Variants in RBFOX1 observed in about 807,000 individuals in gnomAD.
RBFOX1 encodes RNA binding fox-1 homolog 1.
RBFOX1 carries 8 observed loss-of-function variants against 57.7 expected under a neutral mutation model. That is an observed-to-expected ratio of 0.14 (90% CI 0.08 to 0.25). The LOEUF is 0.25. Among genes scored for constraint, RBFOX1 ranks in the 10% least tolerant of loss-of-function variants. RBFOX1 has a pLI of 1.00. For synonymous variants in RBFOX1, 326 were observed against 222.4 expected (o/e 1.47, Z -4.15); for missense variants, 611 against 548.5 (o/e 1.11, Z -1.14).
At chr16:5,970,289 G>A (rs371727942) in intron 4 of RBFOX1, among the ~76,000 whole-genome samples, 5 of 151,610 alleles carry the variant, frequency 3.3e-5, no homozygotes, top group South Asian at 4.2e-4. Flanking sequence ...TTTTTTTTAT[G>A]TAGGGATTTT....
chr16:7,321,125 A>ATATACATATACATATACATATACT (rs1474192205), intron 4 of RBFOX1, among the ~76,000 whole-genome samples: 11 of 128,220 alleles, frequency 8.6e-5, no homozygotes, highest in South Asian at 2.6e-4. Context: ...ATACATATAC[A>ATATACATATACATATACATATACT]TATACTTATA....
intron 1 of RBFOX1, among the ~76,000 whole-genome samples, chr16:6,258,045 T>C (rs1464251860): frequency 6.6e-6 from 1 of 152,172 alleles, no homozygotes. Flanking sequence ...CCACCAACAG[T>C]GTGTAAGCAT....
At chr16:7,490,946 T>G (rs2066777620) in intron 4 of RBFOX1, among the ~76,000 whole-genome samples, 1 of 152,194 alleles carries the variant, frequency 6.6e-6, no homozygotes, top group Non-Finnish European at 1.5e-5. Context: ...TTATCTTCTT[T>G]AGGTGGCCTA....
chr16:5,342,013 A>T (rs375122063), intron 1 of RBFOX1, among the ~76,000 whole-genome samples: 91 of 152,276 alleles, frequency 6.0e-4, no homozygotes, highest in African/African-American at 2.2e-3. Flanking sequence ...CTCCTTCTGC[A>T]TGGAAAAAAG....
intron 3 of RBFOX1, among the ~76,000 whole-genome samples, chr16:6,793,352 A>G (rs1271542984): frequency 2.6e-5 from 4 of 151,982 alleles, no homozygotes; most frequent in African/African-American, 9.7e-5. Flanking sequence ...CCAAAATATG[A>G]TTTTCTTCCA....
rs1567788915 is a variant in RBFOX1 at position 6,256,271 on chromosome 16, GTATATATATATGTGTGTATATATATA to G, written c.-126-60722_-126-60697del. ...TGTATATATATGTGTATATATATAT[GTATATATATATGTGTGTATATATATA>G]TGTATATATATATATGTATATATAT... On this transcript the variant is annotated intron_variant, in intron 1 of 15. Coordinates refer to ENST00000550418, the MANE Select transcript of RBFOX1 (RefSeq NM_018723.4). 5.3e-4 allele frequency among the ~76,000 whole-genome samples: 61 copies of G among 114,054 alleles called. 1 individual carries two copies. The highest frequency in any genetic ancestry group is 2.7e-3 in the African/African-American group (60 of 22,324). 74.8% of individuals were successfully genotyped at this position (114,054 alleles called of 152,430 possible). A position where few individuals can be genotyped will look rare whatever the true frequency, so the allele number is the denominator to read the frequency against.
intron 3 of RBFOX1, among the ~76,000 whole-genome samples, chr16:6,936,703 T>C (rs1485622525): frequency 6.6e-6 from 1 of 151,984 alleles, no homozygotes; most frequent in Non-Finnish European, 1.5e-5. Context: ...AGCATTAGAT[T>C]AATATTAAAA....
chr16:7,574,294 C>G (rs1466097251), intron 5 of RBFOX1, among the ~76,000 whole-genome samples: 2 of 152,122 alleles, frequency 1.3e-5, no homozygotes, highest in Non-Finnish European at 2.9e-5. Flanking sequence ...TGAAGTGACA[C>G]CTGTATCAGG....
intron 4 of RBFOX1, among the ~76,000 whole-genome samples, chr16:7,253,380 T>G (rs1311391055): frequency 6.6e-6 from 1 of 152,170 alleles, no homozygotes; most frequent in African/African-American, 2.4e-5. Context: ...TCACTCTAAC[T>G]GCTTTGCATG....
intron 4 of RBFOX1, among the ~76,000 whole-genome samples, chr16:7,494,112 C>T (rs2067812312): frequency 6.6e-6 from 1 of 152,060 alleles, no homozygotes; most frequent in Admixed American, 6.6e-5. Flanking sequence ...AGTGGGGGAG[C>T]TATAATAGAT....
At chr16:7,033,673 TG>T (rs2043420005) in intron 3 of RBFOX1, among the ~76,000 whole-genome samples, 1 of 152,208 alleles carries the variant, frequency 6.6e-6, no homozygotes, top group African/African-American at 2.4e-5. Flanking sequence ...GAGGCTGGGA[TG>T]GGGCTTGGTT....
At chr16:6,373,746 A>G (rs1344819154) in intron 2 of RBFOX1, among the ~76,000 whole-genome samples, 1 of 152,090 alleles carries the variant, frequency 6.6e-6, no homozygotes, top group Non-Finnish European at 1.5e-5. Context: ...TAAGTGGAAG[A>G]ATTGTGACGA....
chr16:6,951,728 C>T (rs150456139), intron 3 of RBFOX1, among the ~76,000 whole-genome samples: 7 of 152,222 alleles, frequency 4.6e-5, no homozygotes, highest in African/African-American at 1.7e-4. Context: ...CTCCACACTT[C>T]TCTCTTTTTT....
intron 4 of RBFOX1, among the ~76,000 whole-genome samples, chr16:7,339,985 A>C (rs1156835519): frequency 6.6e-6 from 1 of 152,100 alleles, no homozygotes; most frequent in Admixed American, 6.6e-5. Flanking sequence ...CTTACATCTC[A>C]TCTCCTTTTA....
intron 1 of RBFOX1, among the ~76,000 whole-genome samples, chr16:5,282,458 G>A (rs1391573341): frequency 6.6e-6 from 1 of 152,204 alleles, no homozygotes; most frequent in Admixed American, 6.5e-5. Context: ...AAGGAGACAG[G>A]AAAATGTGGG....
chr16:6,819,636 C>T (rs111501287), intron 3 of RBFOX1, among the ~76,000 whole-genome samples: 9,898 of 128,084 alleles, frequency 0.077, 468 homozygotes, highest in Middle Eastern at 0.12. Flanking sequence ...ACCTGGGAAG[C>T]GGAGGTTGCA....
intron 4 of RBFOX1, among the ~76,000 whole-genome samples, chr16:7,098,734 G>A (rs1369270910): frequency 6.6e-6 from 1 of 152,070 alleles, no homozygotes; most frequent in East Asian, 1.9e-4. Flanking sequence ...AGGATCATTT[G>A]AGCTCAGGAG....
At chr16:6,348,085 G>A (rs1051530246) in intron 2 of RBFOX1, among the ~76,000 whole-genome samples, 3 of 152,166 alleles carry the variant, frequency 2.0e-5, no homozygotes, top group Admixed American at 6.5e-5. Flanking sequence ...GGGGAAAGAG[G>A]CAGGAGTGCT....
intron 4 of RBFOX1, among the ~76,000 whole-genome samples, chr16:7,231,661 A>G (rs1049348467): frequency 6.6e-6 from 1 of 152,220 alleles, no homozygotes; most frequent in Non-Finnish European, 1.5e-5. Flanking sequence ...TAAATTTATC[A>G]ATAAATAAAT....
Sources: allele counts gnomAD v4.1 joint callset (sites outside exome capture counted in the v4.1 genomes callset), GRCh38; gene constraint gnomAD v4.1.1; transcripts MANE v1.5; gene names NCBI Gene and HGNC (gene_info 2026-07-23, HGNC 2026-07-21).